The following PPP6R2 variants were observed in gnomAD, a reference collection of about 807,000 sequenced individuals.
The protein encoded by PPP6R2 is protein phosphatase 6 regulatory subunit 2.
PPP6R2 carries 62 observed loss-of-function variants against 100.2 expected under a neutral mutation model. The observed-to-expected ratio is 0.62, with a 90% CI of 0.50 to 0.76. The LOEUF is 0.76. Among genes scored for constraint, PPP6R2 ranks in the 30% least tolerant of loss-of-function variants. The pLI is 0.00. For missense variants in PPP6R2, 1,142 were observed against 1,276.3 expected (o/e 0.89, Z 1.60); for synonymous variants, 525 against 514.7 (o/e 1.02, Z -0.27).
intron 1 of PPP6R2, among the ~76,000 whole-genome samples, chr22:50,365,657 C>G (rs112646340): frequency 1.2e-4 from 17 of 145,962 alleles, no homozygotes; most frequent in African/African-American, 3.8e-4. Flanking sequence ...CCAGCCTGTG[C>G]GACAGAGCAA....
chr22:50,338,913 A>ATG (rs775741425), upstream of PPP6R2, among the ~76,000 whole-genome samples: 1 of 71,452 alleles, frequency 1.4e-5, no homozygotes, highest in Non-Finnish European at 2.9e-5. Context: ...TGTGTGTGGT[A>ATG]GTGTGTGTGG....
rs762160667 is a variant in PPP6R2 at position 50,437,891 on chromosome 22, C to G, written c.1830C>G (p.Asp610Glu). Residue 610 changes from aspartate (D) to glutamate (E), a missense_variant, in exon 17 of 24, where the codon GAC becomes GAG. This residue lies in a region of PPP6R2 where 550 missense variants were observed against 517.4 expected (regional missense o/e 1.06). Coordinates refer to ENST00000612753, the MANE Select transcript of PPP6R2 (RefSeq NM_001242898.2). ...AGATCAACTTCAACATCGACGCTGA[C>G]GAGGACAGTGTGAGCAAGCCGGGCT... is the stretch of plus-strand genomic sequence containing the variant. ...IAEINFNIDADEDSPSAALFE... is the reference protein window; with the variant it reads ...IAEINFNIDAEEDSPSAALFE... The G allele has an allele frequency of 6.4e-7, 1 of 1,556,250 alleles. No homozygotes were observed. The highest frequency in any genetic ancestry group is 2.4e-5 in the East Asian group (1 of 41,146).
chr22:50,437,206 C>A, intron 15 of PPP6R2, 138 bp downstream of exon 15: 1 of 782,094 alleles, frequency 1.3e-6, no homozygotes, highest in Admixed American at 2.1e-5. Flanking sequence ...ACGTATGGGG[C>A]GGGGTGGGTC....
At position 50,444,099 on chromosome 22, in the gene PPP6R2, G is replaced by C; in HGVS notation, c.2813G>C (p.Gly938Ala). The C allele has an allele frequency of 1.2e-6, 2 of 1,612,674 alleles. No individual in the cohort carries two copies. The highest frequency in any genetic ancestry group is 1.7e-6 in the Non-Finnish European group (2 of 1,179,194). The change falls in exon 23 of 24, where the codon GGG becomes GCG. Residue 938 changes from glycine (G) to alanine (A), a missense_variant. Transcript: ENST00000612753. ...TAAPAMVATL[G>A]TVTKDGKTDA... ...GCCCCAGCCATGGTGGCCACCCTGGGGACAGTGACAAAGGACGGGTGAGCA... is the reference window on the plus strand; with the variant it reads ...GCCCCAGCCATGGTGGCCACCCTGGCGACAGTGACAAAGGACGGGTGAGCA...
intron 3 of PPP6R2, among the ~76,000 whole-genome samples, chr22:50,398,852 AT>A (rs1268097404): frequency 2.0e-5 from 3 of 152,196 alleles, no homozygotes; most frequent in African/African-American, 7.2e-5. Flanking sequence ...TTTACACCTA[AT>A]TGGTCACAAG....
At chr22:50,437,968 T>A (rs1391349967) in intron 17 of PPP6R2, 68 bp downstream of exon 17, 1 of 1,555,996 alleles carries the variant, frequency 6.4e-7, no homozygotes, top group African/African-American at 1.4e-5. Context: ...TGCCCATGGC[T>A]CGGTCTGTCA....
chr22:50,378,062 TAA>T (rs970351271), intron 2 of PPP6R2, among the ~76,000 whole-genome samples: 1 of 152,042 alleles, frequency 6.6e-6, no homozygotes, highest in Non-Finnish European at 1.5e-5. Flanking sequence ...TAAATAAAAA[TAA>T]AATTTATAGC....
At chr22:50,350,010 C>T (rs1447459428) in intron 1 of PPP6R2, among the ~76,000 whole-genome samples, 1 of 151,264 alleles carries the variant, frequency 6.6e-6, no homozygotes, top group African/African-American at 2.4e-5. Flanking sequence ...CCCAGCTATT[C>T]GGGAGCCTGA....
intron 2 of PPP6R2, among the ~76,000 whole-genome samples, chr22:50,389,583 T>C (rs904827125): frequency 1.1e-4 from 16 of 149,554 alleles, no homozygotes; most frequent in African/African-American, 3.5e-4. Context: ...AGATGGAGTC[T>C]CGCGCTGTCG....
In PPP6R2 at chr22:50,356,997, C is replaced by G. The variant is rs574324467; in HGVS notation, c.-148+13447C>G. Among the ~76,000 whole-genome samples the G allele has an allele frequency of 3.9e-5, 6 of 152,170 alleles. No homozygotes were observed. The East Asian group carries it at 1.2e-3, about 29-fold the overall frequency. ...TTCCAAACTGGAAACATTTTACACT[C>G]CTACTAGTAATGGGTGAGAATTCCT... On this transcript the variant is annotated intron_variant, in intron 1 of 23. Transcript: ENST00000612753.
chr22:50,373,902 T>A (rs979028476), intron 2 of PPP6R2, among the ~76,000 whole-genome samples: 4 of 152,016 alleles, frequency 2.6e-5, no homozygotes, highest in Admixed American at 6.6e-5. Context: ...CCTGGCTGAT[T>A]TTTGTGTTTT....
intron 3 of PPP6R2, among the ~76,000 whole-genome samples, chr22:50,396,976 G>T (rs183500031): frequency 1.3e-5 from 2 of 152,302 alleles, no homozygotes; most frequent in African/African-American, 4.8e-5. Flanking sequence ...GCCCAGTCTG[G>T]TGACAAATTA....
chr22:50,401,426 C>T (rs1333051930), intron 3 of PPP6R2, among the ~76,000 whole-genome samples: 1 of 150,780 alleles, frequency 6.6e-6, no homozygotes, highest in African/African-American at 2.4e-5. Context: ...CCAGGATGGT[C>T]TCGATCTCCT....
intron 5 of PPP6R2, 127 bp from the exon 6 acceptor site, chr22:50,415,965 C>A: frequency 1.2e-6 from 1 of 810,870 alleles, no homozygotes; most frequent in Admixed American, 2.0e-5. Flanking sequence ...CTTTCTGGGT[C>A]TGGGGTGTGT....
intron 3 of PPP6R2, among the ~76,000 whole-genome samples, chr22:50,399,991 A>G (rs1354453195): frequency 1.3e-5 from 2 of 152,266 alleles, no homozygotes; most frequent in African/African-American, 2.4e-5. Flanking sequence ...AGAGTCAGTA[A>G]GAGACACCAA....
chr22:50,395,836 G>A (rs573533845), intron 3 of PPP6R2, among the ~76,000 whole-genome samples: 96 of 151,706 alleles, frequency 6.3e-4, no homozygotes, highest in African/African-American at 2.3e-3. Context: ...CAAAGTGCTG[G>A]GATTATAGGT....
chr22:50,440,046 G>A lies in PPP6R2; in HGVS notation c.2371G>A (p.Ala791Thr). 1 of 1,612,184 alleles carries A rather than the reference G, an allele frequency of 6.2e-7. No homozygotes were observed. Among genetic ancestry groups the A allele is most frequent in the Non-Finnish European group, 8.5e-7 (1 of 1,179,178 alleles). Residue 791 changes from alanine to threonine, a missense_variant, in exon 21 of 24, where the codon GCC becomes ACC. Around this residue, in one of 2 missense-constraint regions of PPP6R2, gnomAD observed 550 missense variants for 517.4 expected, o/e 1.06. Coordinates refer to ENST00000612753, the MANE Select transcript of PPP6R2 (RefSeq NM_001242898.2). Reference protein sequence around the residue: ...EGSRSQGPEKAFSPASPCAWN... With the variant: ...EGSRSQGPEKTFSPASPCAWN... ...CAGCCGGAGCCAAGGCCCTGAGAAA[G>A]CCTGTGAGTAGGAGCAGTGCAGGCG...
chr22:50,333,430 G>A, the PPP6R2 span, among the ~76,000 whole-genome samples: 3 of 151,202 alleles, frequency 2.0e-5, no homozygotes, highest in African/African-American at 2.4e-5. Flanking sequence ...TCCGCCTCCC[G>A]GGTTCACGCC....
At chr22:50,426,778 G>A (rs1486898189) in intron 10 of PPP6R2, among the ~76,000 whole-genome samples, 1 of 145,706 alleles carries the variant, frequency 6.9e-6, no homozygotes, top group Non-Finnish European at 1.5e-5. Context: ...AGGTTGCAGT[G>A]AGCCAAGATC....
Sources: gnomAD v4.1 joint callset for allele counts (sites outside exome capture counted in the v4.1 genomes callset) on GRCh38, gnomAD v4.1.1 for gene constraint, gnomAD v4.1.1 regional missense constraint, MANE v1.5 for transcripts, NCBI Gene and HGNC (gene_info 2026-07-23, HGNC 2026-07-21) for gene names.